SOHLH2: variants seen among roughly 807,000 people sequenced by gnomAD.
SOHLH2 encodes the protein spermatogenesis- and oogenesis-specific basic helix-loop-helix-containing protein 2.
A neutral mutation model predicts 50.4 loss-of-function variants in SOHLH2; 22 were observed. The observed-to-expected ratio is 0.44, with a 90% CI of 0.31 to 0.62. SOHLH2 has a LOEUF of 0.62. SOHLH2 is among the 20% of genes least tolerant of loss of function. The probability of loss-of-function intolerance (pLI) is 0.08; values close to 1 mark genes in which losing one functional copy is unlikely to be tolerated. For missense variants in SOHLH2, 412 were observed against 504.4 expected, an observed-to-expected ratio of 0.82 and a Z score of 1.76; for synonymous variants, 185 against 187.3, an observed-to-expected ratio of 0.99 and a Z score of 0.10.
At chr13:36,198,956 A>G (rs188286971) in intron 2 of SOHLH2, among the ~76,000 whole-genome samples, 18 of 152,206 alleles carry the variant, frequency 1.2e-4, no homozygotes, top group Non-Finnish European at 2.1e-4. Context: ...TCCTAGACCT[A>G]CATAGCTTTT....
intron 2 of SOHLH2, among the ~76,000 whole-genome samples, chr13:36,195,982 C>G (rs781257144): frequency 3.9e-5 from 6 of 151,986 alleles, no homozygotes; most frequent in Non-Finnish European, 7.4e-5. Flanking sequence ...ACTTCCTACA[C>G]TGGTGTAGGT....
intron 8 of SOHLH2, 131 bp downstream of exon 8, chr13:36,174,345 A>T: frequency 8.7e-7 from 1 of 1,148,654 alleles, no homozygotes; most frequent in Non-Finnish European, 1.2e-6. Flanking sequence ...ATCGGCAATT[A>T]GAAAAGTTCG....
chr13:36,178,683 G>A (rs1788850351), intron 6 of SOHLH2, among the ~76,000 whole-genome samples: 1 of 152,074 alleles, frequency 6.6e-6, no homozygotes, highest in Admixed American at 6.6e-5. Context: ...TTCAAATAAA[G>A]TTATGTTTCA....
intron 4 of SOHLH2, among the ~76,000 whole-genome samples, chr13:36,193,356 G>T (rs1414567210): frequency 2.0e-5 from 3 of 152,120 alleles, no homozygotes; most frequent in Non-Finnish European, 4.4e-5. Flanking sequence ...AAGAAATTAT[G>T]GTAGCTAGGC....
At chr13:36,185,663 T>A (rs375381588) in intron 6 of SOHLH2, among the ~76,000 whole-genome samples, 1 of 152,100 alleles carries the variant, frequency 6.6e-6, no homozygotes, top group East Asian at 1.9e-4. Flanking sequence ...ACACAATTTA[T>A]CAATACCGGG....
chr13:36,180,606 ATT>A (rs143552466), intron 6 of SOHLH2, among the ~76,000 whole-genome samples: 1 of 133,176 alleles, frequency 7.5e-6, no homozygotes, highest in African/African-American at 2.8e-5. Context: ...TTTTCTTGTG[ATT>A]TTTTTTTTTT....
intron 9 of SOHLH2, among the ~76,000 whole-genome samples, chr13:36,173,032 T>C (rs544884921): frequency 6.6e-6 from 1 of 152,314 alleles, no homozygotes; most frequent in South Asian, 2.1e-4. Flanking sequence ...TCTAGGCTTA[T>C]ACGGCACATA....
Position 36,185,946 on chromosome 13 carries a change from T to C in SOHLH2, c.641+4000A>G, listed in dbSNP as rs185822992. ...TGAATCCTATCAAACATAACATTTC[T>C]ACACAAATTGTTTCAGAAAACAGAA... On this transcript the variant is annotated intron_variant, in intron 6 of 10. Transcript: ENST00000379881. Among the ~76,000 whole-genome samples the C allele has an allele frequency of 1.7e-4, 26 of 152,346 alleles. No individual in the cohort carries two copies. In the East Asian group the frequency reaches 4.8e-3, roughly 28 times the overall value.
intron 9 of SOHLH2, among the ~76,000 whole-genome samples, chr13:36,171,540 C>G (rs1886961486): frequency 6.6e-6 from 1 of 152,116 alleles, no homozygotes; most frequent in African/African-American, 2.4e-5. Context: ...GATCCTCTTT[C>G]CAAAACAATT....
Position 36,168,841 on chromosome 13 carries a change from G to T in SOHLH2, c.*193C>A. The stretch of plus-strand genomic sequence containing the variant: ...TGTATGAAGATGAGTGACAGTGTGT[G>T]GCCAGCTTTTTCGCTGCTGGTCTTT... On this transcript the variant is annotated 3_prime_UTR_variant, in exon 11 of 11. Coordinates refer to ENST00000379881, the MANE Select transcript of SOHLH2 (RefSeq NM_017826.3). 2.2e-6 allele frequency: 2 copies of T among 897,522 alleles called. No individual in the cohort carries two copies. The highest frequency in any genetic ancestry group is 3.1e-6 in the Non-Finnish European group (2 of 640,374). The allele number at this position is 897,522 out of a possible 1,614,324, so 55.6% of individuals were successfully genotyped here.
chr13:36,182,205 T>C, intron 6 of SOHLH2: 1 of 985,348 alleles, frequency 1.0e-6, no homozygotes, highest in East Asian at 1.1e-4. Context: ...TACAGGGAAA[T>C]TCATGGGGAG....
At chr13:36,199,134 C>A (rs1304443054) in intron 2 of SOHLH2, among the ~76,000 whole-genome samples, 1 of 152,168 alleles carries the variant, frequency 6.6e-6, no homozygotes, top group Non-Finnish European at 1.5e-5. Flanking sequence ...ACAAATGGGG[C>A]AGTACATGTA....
rs1217917611 is a variant in SOHLH2, at chr13:36,168,770, G to A, written c.*264C>T. 2.2e-6 allele frequency: 1 copy of A among 462,142 alleles called. No individual in the cohort carries two copies. Among genetic ancestry groups the A allele is most frequent in the Non-Finnish European group, 3.8e-6 (1 of 266,070 alleles). 28.6% of individuals were successfully genotyped at this position (462,142 alleles called of 1,614,324 possible). On this transcript the variant is annotated 3_prime_UTR_variant, in exon 11 of 11. Coordinates refer to ENST00000379881, the MANE Select transcript of SOHLH2 (RefSeq NM_017826.3). ...TTGAGAAAAGAGAGTGTAGGTCACT[G>A]AGGCCATTTGTTCTTGTAGCTCTCT...
Position 36,168,898 on chromosome 13 carries a change from G to C in SOHLH2, c.*136C>G. 7.1e-7 allele frequency: 1 copy of C among 1,412,668 alleles called. No homozygotes were observed. Among genetic ancestry groups the C allele is most frequent in the Non-Finnish European group, 9.3e-7 (1 of 1,072,262 alleles). 87.5% of individuals were successfully genotyped at this position (1,412,668 alleles called of 1,614,324 possible). Reference sequence around the variant, plus strand: ...GCAGAAGCTTTGAGTGCATTTATCAGAAGCCAAACCATGCCAACTCTTTTG... The same window carrying C: ...GCAGAAGCTTTGAGTGCATTTATCACAAGCCAAACCATGCCAACTCTTTTG... On this transcript the variant is annotated 3_prime_UTR_variant, in exon 11 of 11. Transcript: ENST00000379881.
In SOHLH2 at chr13:36,201,752, G is replaced by A. The variant is rs1195249191; in HGVS notation, c.263+127C>T. The A allele has an allele frequency of 5.1e-6, 7 of 1,380,028 alleles. No individual in the cohort carries two copies. In the Admixed American group the frequency reaches 7.5e-5, roughly 15 times the overall value. 85.5% of individuals were successfully genotyped at this position (1,380,028 alleles called of 1,614,324 possible). On this transcript the variant is annotated intron_variant, in intron 2 of 10. Transcript: ENST00000379881. ...CTCAAAGTGCCAGGATTACACGCAT[G>A]AGCCAATCCCTGGCCCCTCAATTTG...
At chr13:36,181,226 A>G (rs1276245611) in intron 6 of SOHLH2, among the ~76,000 whole-genome samples, 3 of 151,978 alleles carry the variant, frequency 2.0e-5, no homozygotes, top group African/African-American at 7.2e-5. Flanking sequence ...ATATATTTCT[A>G]TTAATTTATT....
intron 6 of SOHLH2, among the ~76,000 whole-genome samples, chr13:36,186,382 G>A (rs146814962): frequency 1.4e-4 from 21 of 152,232 alleles, no homozygotes; most frequent in African/African-American, 3.4e-4. Context: ...AACAAGGCAC[G>A]GATGTCTACT....
chr13:36,197,171 A>C (rs1887758698), intron 2 of SOHLH2, among the ~76,000 whole-genome samples: 1 of 152,170 alleles, frequency 6.6e-6, no homozygotes, highest in African/African-American at 2.4e-5. Context: ...TTGTGTTTGC[A>C]ATTTATTTGG....
chr13:36,180,086 C>T (rs558943078), intron 6 of SOHLH2, among the ~76,000 whole-genome samples: 16 of 152,222 alleles, frequency 1.1e-4, no homozygotes, highest in African/African-American at 2.9e-4. Context: ...AGAGCTATTC[C>T]GACTTTCTGC....
Sources: allele counts gnomAD v4.1 joint callset (sites outside exome capture counted in the v4.1 genomes callset), GRCh38; gene constraint gnomAD v4.1.1; transcripts MANE v1.5; gene names NCBI Gene and HGNC (gene_info 2026-07-23, HGNC 2026-07-21).